SH2B2: variants seen among roughly 807,000 people sequenced by gnomAD.
SH2B2 encodes the protein SH2B adapter protein 2.
A neutral mutation model predicts 35.7 loss-of-function variants in SH2B2; 37 were observed. That is an observed-to-expected ratio of 1.04 (90% CI 0.80 to 1.36). The LOEUF (loss-of-function observed/expected upper bound fraction) is 1.36, where lower values mean the gene tolerates loss of function less well. Among genes scored for constraint, SH2B2 ranks in the 40% most tolerant of loss-of-function variants. The probability of loss-of-function intolerance (pLI) is 0.00; values close to 1 mark genes in which losing one functional copy is unlikely to be tolerated. For missense variants in SH2B2, 852 were observed against 817.7 expected (o/e 1.04, Z -0.51); for synonymous variants, 383 against 376.4 (o/e 1.02, Z -0.20).
At chr7:102,292,874 A>AG (rs545487627) in intron 1 of SH2B2, among the ~76,000 whole-genome samples, 25 of 152,198 alleles carry the variant, frequency 1.6e-4, no homozygotes, top group East Asian at 3.9e-4. Flanking sequence ...TGCAGGAGGA[A>AG]GGGGGGGTCT....
intron 6 of SH2B2, 136 bp downstream of exon 6, chr7:102,314,818 C>A (rs1378807252): frequency 2.5e-6 from 1 of 397,338 alleles, no homozygotes; most frequent in Non-Finnish European, 4.4e-6. Flanking sequence ...GTCCTTCACA[C>A]GTCTCCGAAG....
chr7:102,287,758 C>G (rs1415432677), intron 1 of SH2B2, among the ~76,000 whole-genome samples: 1 of 152,166 alleles, frequency 6.6e-6, no homozygotes, highest in Non-Finnish European at 1.5e-5. Context: ...GGGCCGGAAC[C>G]GCGCCAGCCC....
rs1793101256 is a variant in SH2B2 at position 102,300,467 on chromosome 7, G to A, written c.-29-55G>A. 2.0e-6 allele frequency: 3 copies of A among 1,474,772 alleles called. No homozygotes were observed. In the African/African-American group the frequency reaches 4.2e-5, roughly 21 times the overall value. The allele number at this position is 1,474,772 out of a possible 1,614,324, so 91.4% of individuals were successfully genotyped here. A position where few individuals can be genotyped will look rare whatever the true frequency, so the allele number is the denominator to read the frequency against. Reference sequence around the variant, plus strand: ...CTAGGGGAGCTGGAAGGAGGGGACAGGTGGGCGCATTGATCACAGGCCTGA... The same window carrying A: ...CTAGGGGAGCTGGAAGGAGGGGACAAGTGGGCGCATTGATCACAGGCCTGA... On this transcript the variant is annotated intron_variant, in intron 1 of 8. Coordinates refer to ENST00000444095, the MANE Select transcript of SH2B2 (RefSeq NM_001359228.2).
chr7:102,316,503 C>G (rs1344158003), intron 6 of SH2B2, among the ~76,000 whole-genome samples: 1 of 151,976 alleles, frequency 6.6e-6, no homozygotes, highest in Non-Finnish European at 1.5e-5. Flanking sequence ...AGGAGAATCA[C>G]TAGAACCTGC....
intron 1 of SH2B2, among the ~76,000 whole-genome samples, chr7:102,288,223 C>A (rs1190056100): frequency 6.6e-5 from 10 of 152,054 alleles, no homozygotes; most frequent in African/African-American, 2.4e-4. Context: ...ACTCTCCCAA[C>A]CTCTTCCCTC....
intron 1 of SH2B2, among the ~76,000 whole-genome samples, chr7:102,290,569 C>G (rs989242555): frequency 1.3e-5 from 2 of 152,108 alleles, no homozygotes; most frequent in African/African-American, 4.8e-5. Flanking sequence ...CCGGCCTCCC[C>G]TCTTGTCCAT....
chr7:102,310,441 G>A (rs1400673236), intron 4 of SH2B2, among the ~76,000 whole-genome samples: 1 of 152,210 alleles, frequency 6.6e-6, no homozygotes, highest in Non-Finnish European at 1.5e-5. Flanking sequence ...GAAACGGGTA[G>A]GTCAGGGACA....
intron 1 of SH2B2, among the ~76,000 whole-genome samples, chr7:102,290,230 T>G (rs2132894804): frequency 7.9e-6 from 1 of 126,870 alleles, no homozygotes; most frequent in Non-Finnish European, 1.6e-5. Flanking sequence ...GGAACTTGGC[T>G]CCATACCCCC....
chr7:102,298,218 G>C (rs1792999130), intron 1 of SH2B2, among the ~76,000 whole-genome samples: 1 of 152,288 alleles, frequency 6.6e-6, no homozygotes, highest in Admixed American at 6.5e-5. Flanking sequence ...AGGATTTTGT[G>C]CAGAGGAGGG....
In SH2B2 at chr7:102,306,781, C is replaced by T. The variant is rs1169067329; in HGVS notation, c.790C>T (p.Pro264Ser). 1 of 1,599,698 alleles carries T rather than the reference C, an allele frequency of 6.3e-7. No individual in the cohort carries two copies. The highest frequency in any genetic ancestry group is 2.3e-5 in the East Asian group (1 of 44,172). The change falls in exon 3 of 9, where the codon CCC (proline) becomes TCC (serine). Residue 264 changes from proline to serine, a missense_variant. By Grantham distance (74) the Pro-to-Ser change is moderately conservative. Around this residue, in one of 3 missense-constraint regions of SH2B2, gnomAD observed 556 missense variants for 514.5 expected, o/e 1.08. Transcript: ENST00000444095. ...SAIIEVRTTM[P>S]LEMPEKDNTF... ...CATCATTGAGGTCCGCACCACCATGCCCCTGGAAATGCCAGAGAAGGATAA... is the reference window on the plus strand; with the variant it reads ...CATCATTGAGGTCCGCACCACCATGTCCCTGGAAATGCCAGAGAAGGATAA...
upstream of SH2B2, chr7:102,285,288 TCTCCCA>T: frequency 6.7e-7 from 1 of 1,492,164 alleles, no homozygotes; most frequent in Non-Finnish European, 9.1e-7. Context: ...GGCTCTCCCC[TCTCCCA>T]GGAGGGTGGA....
At chr7:102,309,355 C>CTT (rs35826295) in intron 4 of SH2B2, 4,798 of 181,772 alleles carry the variant, frequency 0.026, 4 homozygotes, top group South Asian at 0.042. Context: ...CTCTCTCTCT[C>CTT]TTTTTTTTTT....
chr7:102,292,621 C>T (rs1554551931), intron 1 of SH2B2, among the ~76,000 whole-genome samples: 1 of 139,464 alleles, frequency 7.2e-6, no homozygotes, highest in East Asian at 2.1e-4. Context: ...TTGCTTGGGC[C>T]CAGGAGTTCA....
chr7:102,308,664 G>A, intron 3 of SH2B2, 151 bp from the exon 4 acceptor site: 1 of 676,978 alleles, frequency 1.5e-6, no homozygotes, highest in Non-Finnish European at 2.7e-6. Context: ...GGTGCCCGAT[G>A]GTGACCCCAC....
intron 1 of SH2B2, among the ~76,000 whole-genome samples, chr7:102,288,577 G>T (rs1335398201): frequency 6.6e-6 from 1 of 152,082 alleles, no homozygotes; most frequent in Non-Finnish European, 1.5e-5. Flanking sequence ...CCTACTTAGC[G>T]TGAATCTCCT....
intron 4 of SH2B2, among the ~76,000 whole-genome samples, chr7:102,310,406 G>A (rs1554555828): frequency 6.6e-6 from 1 of 152,196 alleles, no homozygotes; most frequent in Non-Finnish European, 1.5e-5. Flanking sequence ...TAGCCAGTGA[G>A]GAGGAGATTT....
chr7:102,311,529 A>G (rs1213002099), intron 4 of SH2B2, among the ~76,000 whole-genome samples: 1 of 148,350 alleles, frequency 6.7e-6, no homozygotes, highest in Non-Finnish European at 1.5e-5. Context: ...TGCTGGGATT[A>G]CAGGCGTGAG....
chr7:102,302,859 A>C (rs1218324950), intron 2 of SH2B2, among the ~76,000 whole-genome samples: 1 of 151,200 alleles, frequency 6.6e-6, no homozygotes, highest in Non-Finnish European at 1.5e-5. Flanking sequence ...CAGAGGTTGC[A>C]GTGAGCCAAG....
Position 102,310,633 on chromosome 7 carries a change from C to T in SH2B2, c.923+1727C>T, listed in dbSNP as rs192699634. ...CTGGCTAATGGGGTGAGCCAAGCCC[C>T]GGGGGGAAGGGCCGCTGCTTTCTAA... On this transcript the variant is annotated intron_variant, in intron 4 of 8. Transcript: ENST00000444095. Among the ~76,000 whole-genome samples, 226 of 152,236 alleles carry T rather than the reference C, an allele frequency of 1.5e-3. 1 individual carries two copies. The highest frequency in any genetic ancestry group is 5.2e-3 in the African/African-American group (216 of 41,532).
Sources: gnomAD v4.1 joint callset for allele counts (sites outside exome capture counted in the v4.1 genomes callset) on GRCh38, gnomAD v4.1.1 for gene constraint, gnomAD v4.1.1 regional missense constraint, MANE v1.5 for transcripts, NCBI Gene and HGNC (gene_info 2026-07-23, HGNC 2026-07-21) for gene names.